ANKS1B: variants seen among roughly 807,000 people sequenced by gnomAD.
ANKS1B encodes ankyrin repeat and sterile alpha motif domain-containing protein 1B.
Under a neutral mutation model 148.3 loss-of-function variants are expected in ANKS1B, and 36 were observed. The ratio of observed to expected loss-of-function variants is 0.24; its 90% CI spans 0.19 to 0.32. ANKS1B has a LOEUF of 0.32. Among genes scored for constraint, ANKS1B ranks in the 10% least tolerant of loss-of-function variants. ANKS1B has a pLI of 1.00. For missense variants in ANKS1B, 1,157 were observed against 1,542.6 expected, an observed-to-expected ratio of 0.75 and a Z score of 4.19; for synonymous variants, 542 against 560.8, an observed-to-expected ratio of 0.97 and a Z score of 0.47.
At chr12:99,283,607 G>A (rs1423130353) in intron 12 of ANKS1B, among the ~76,000 whole-genome samples, 1 of 152,170 alleles carries the variant, frequency 6.6e-6, no homozygotes, top group African/African-American at 2.4e-5. Context: ...CAGAGGATTT[G>A]TTTCAGTGCT....
intron 1 of ANKS1B, among the ~76,000 whole-genome samples, chr12:99,943,846 A>G (rs2094983691): frequency 6.6e-6 from 1 of 152,052 alleles, no homozygotes; most frequent in Non-Finnish European, 1.5e-5. Context: ...TCTGGGATAC[A>G]TGTGCAGAAC....
intron 11 of ANKS1B, among the ~76,000 whole-genome samples, chr12:99,418,830 A>G (rs764717811): frequency 1.8e-4 from 28 of 152,234 alleles, no homozygotes; most frequent in Non-Finnish European, 3.7e-4. Context: ...CTCAATTTCT[A>G]TTCTTTTAAG....
intron 9 of ANKS1B, among the ~76,000 whole-genome samples, chr12:99,545,212 T>G (rs1206446803): frequency 1.3e-5 from 2 of 152,148 alleles, no homozygotes; most frequent in Non-Finnish European, 2.9e-5. Flanking sequence ...TTAGACTTCT[T>G]GCTTTTATTT....
intron 17 of ANKS1B, among the ~76,000 whole-genome samples, chr12:98,867,676 C>T (rs2152320377): frequency 6.6e-6 from 1 of 151,996 alleles, no homozygotes; most frequent in South Asian, 2.1e-4. Flanking sequence ...CTGGCTTCAT[C>T]CTGGTGAAAC....
At chr12:99,965,783 A>G (rs1394408311) in intron 1 of ANKS1B, among the ~76,000 whole-genome samples, 1 of 152,084 alleles carries the variant, frequency 6.6e-6, no homozygotes, top group African/African-American at 2.4e-5. Context: ...AATTAGGCGC[A>G]TATTTGTAGT....
intron 15 of ANKS1B, among the ~76,000 whole-genome samples, chr12:99,121,624 A>G (rs2153726556): frequency 6.6e-6 from 1 of 152,308 alleles, no homozygotes; most frequent in Non-Finnish European, 1.5e-5. Context: ...AAGCAGGATC[A>G]GTAGGATGCG....
intron 10 of ANKS1B, among the ~76,000 whole-genome samples, chr12:99,451,796 T>TGTGTGTGTGC (rs1454386880): frequency 3.2e-4 from 48 of 152,092 alleles, no homozygotes; most frequent in African/African-American, 1.1e-3. Flanking sequence ...CGTGTGTGTG[T>TGTGTGTGTGC]GTGTGTATGT....
At chr12:99,828,554 G>GA (rs998846230) in intron 1 of ANKS1B, among the ~76,000 whole-genome samples, 17 of 150,842 alleles carry the variant, frequency 1.1e-4, no homozygotes, top group Non-Finnish European at 1.8e-4. Flanking sequence ...ACAAACTACA[G>GA]AAAAAAAAGA....
chr12:99,122,947 G>C (rs1039739437), intron 15 of ANKS1B, among the ~76,000 whole-genome samples: 2 of 147,882 alleles, frequency 1.4e-5, no homozygotes, highest in African/African-American at 2.5e-5. Context: ...TCTGCCATGT[G>C]CCAGGTTCTG....
At chr12:98,915,146 C>T (rs2099792470) in intron 17 of ANKS1B, among the ~76,000 whole-genome samples, 1 of 151,858 alleles carries the variant, frequency 6.6e-6, no homozygotes, top group Non-Finnish European at 1.5e-5. Context: ...GATGAGGTCA[C>T]ACTGGAGCAG....
At chr12:99,271,084 C>T (rs2076989212) in intron 12 of ANKS1B, among the ~76,000 whole-genome samples, 1 of 152,230 alleles carries the variant, frequency 6.6e-6, no homozygotes, top group Admixed American at 6.5e-5. Context: ...CCCTGCCTAT[C>T]TCTCTGGCAT....
chr12:99,850,744 C>T (rs2087682868), intron 1 of ANKS1B, among the ~76,000 whole-genome samples: 1 of 151,928 alleles, frequency 6.6e-6, no homozygotes, highest in Non-Finnish European at 1.5e-5. Context: ...ATGTTAATGT[C>T]AAGTTTAAGA....
intron 11 of ANKS1B, among the ~76,000 whole-genome samples, chr12:99,416,027 C>T (rs1254767467): frequency 6.6e-6 from 1 of 152,136 alleles, no homozygotes; most frequent in African/African-American, 2.4e-5. Flanking sequence ...CTGCCCCCAC[C>T]TCCACCTTAA....
chr12:99,041,397 T>C (rs576286297), intron 17 of ANKS1B, among the ~76,000 whole-genome samples: 1 of 152,348 alleles, frequency 6.6e-6, no homozygotes, highest in African/African-American at 2.4e-5. Flanking sequence ...CTGAGTTTGA[T>C]GGTCAATGAG....
chr12:98,812,762 T>G (rs145309867), intron 19 of ANKS1B, among the ~76,000 whole-genome samples: 5 of 152,092 alleles, frequency 3.3e-5, no homozygotes, highest in Admixed American at 6.5e-5. Context: ...TTAGTAGATA[T>G]GGGGTTTCAC....
chr12:99,219,183 C>A (rs1362167430), intron 14 of ANKS1B, among the ~76,000 whole-genome samples: 1 of 152,136 alleles, frequency 6.6e-6, no homozygotes, highest in East Asian at 1.9e-4. Flanking sequence ...AGGCAGGTTT[C>A]TTCCTGACTA....
At chr12:99,962,391 T>G (rs1310079499) in intron 1 of ANKS1B, among the ~76,000 whole-genome samples, 1 of 152,198 alleles carries the variant, frequency 6.6e-6, no homozygotes, top group African/African-American at 2.4e-5. Flanking sequence ...TCCTTTTTAT[T>G]TTATGGCTGT....
intron 12 of ANKS1B, among the ~76,000 whole-genome samples, chr12:99,293,974 G>T: frequency 6.6e-6 from 1 of 152,156 alleles, no homozygotes; most frequent in Admixed American, 6.5e-5. Flanking sequence ...ACTACAATGA[G>T]ATAGCATCTC....
At chr12:99,059,854 T>C (rs1397608086) in intron 16 of ANKS1B, among the ~76,000 whole-genome samples, 5 of 139,624 alleles carry the variant, frequency 3.6e-5, no homozygotes, top group Non-Finnish European at 6.1e-5. Context: ...ATTTCTTTCA[T>C]GTATCTTCAG....
Sources: allele counts gnomAD v4.1 joint callset (sites outside exome capture counted in the v4.1 genomes callset), GRCh38; gene constraint gnomAD v4.1.1; transcripts MANE v1.5; gene names NCBI Gene and HGNC (gene_info 2026-07-23, HGNC 2026-07-21).